Variants in TENM1 observed in about 807,000 individuals in gnomAD.
The protein encoded by TENM1 is teneurin-1.
A neutral mutation model predicts 174.8 loss-of-function variants in TENM1; 35 were observed. The ratio of observed to expected loss-of-function variants is 0.20; its 90% CI spans 0.15 to 0.27. TENM1 has a LOEUF of 0.27. TENM1 is among the 10% of genes least tolerant of loss of function. The pLI is 1.00. For missense variants in TENM1, 1,633 were observed against 2,130.1 expected, an observed-to-expected ratio of 0.77 and a Z score of 4.59; for synonymous variants, 781 against 798.7, an observed-to-expected ratio of 0.98 and a Z score of 0.37.
chrX:124,817,754 G>A (rs927979527), intron 3 of TENM1, among the ~76,000 whole-genome samples: 4 of 112,016 alleles, frequency 3.6e-5, no homozygotes, highest in Non-Finnish European at 7.5e-5. Context: ...ACAAGGGAAT[G>A]AGAGAGTTGG....
intron 1 of TENM1, among the ~76,000 whole-genome samples, chrX:124,900,532 G>A (rs948921065): frequency 9.0e-6 from 1 of 111,496 alleles, no homozygotes; most frequent in Non-Finnish European, 1.9e-5. Flanking sequence ...CGTAGTAAGT[G>A]TAGTTTATTA....
At chrX:124,691,102 T>TA (rs1221055547) in intron 5 of TENM1, among the ~76,000 whole-genome samples, 1 of 111,240 alleles carries the variant, frequency 9.0e-6, no homozygotes, top group Non-Finnish European at 1.9e-5. Context: ...GTAACATCAA[T>TA]ATATTTACCT....
At chrX:124,752,458 TG>T (rs2054100087) in intron 3 of TENM1, among the ~76,000 whole-genome samples, 1 of 111,604 alleles carries the variant, frequency 9.0e-6, no homozygotes, top group Admixed American at 9.5e-5. Flanking sequence ...TTCACTCTGC[TG>T]GTAGTTTCTT....
At chrX:125,040,024 TC>T in the TENM1 span, among the ~76,000 whole-genome samples, 1 of 111,888 alleles carries the variant, frequency 8.9e-6, no homozygotes, top group African/African-American at 3.2e-5. Context: ...GCATTATAAT[TC>T]TGTCTTTGAC....
the TENM1 span, among the ~76,000 whole-genome samples, chrX:125,072,402 A>G: frequency 8.9e-6 from 1 of 111,915 alleles, no homozygotes; most frequent in East Asian, 2.8e-4. Context: ...AGGAATTGCC[A>G]TCTACTGTAA....
intron 1 of TENM1, among the ~76,000 whole-genome samples, chrX:124,925,453 T>C (rs1188908779): frequency 5.3e-5 from 6 of 112,318 alleles, no homozygotes; most frequent in African/African-American, 1.3e-4. Context: ...ACAGTTTATA[T>C]GCATGCTTGA....
intron 23 of TENM1, among the ~76,000 whole-genome samples, chrX:124,436,777 C>T (rs1004184295): frequency 7.2e-5 from 8 of 110,963 alleles, no homozygotes; most frequent in African/African-American, 2.6e-4. Context: ...CCAACCTCTT[C>T]CCTTTGTTTC....
At chrX:125,025,277 G>C in the TENM1 span, among the ~76,000 whole-genome samples, 1 of 110,474 alleles carries the variant, frequency 9.1e-6, no homozygotes, top group Admixed American at 9.7e-5. Context: ...TGGGGTGGGG[G>C]TGCGGTTTGG....
At chrX:124,677,548 A>T (rs2148447121) in intron 5 of TENM1, among the ~76,000 whole-genome samples, 1 of 111,697 alleles carries the variant, frequency 9.0e-6, no homozygotes, top group African/African-American at 3.2e-5. Flanking sequence ...CTAAAGAAAT[A>T]ATCACATGTG....
At chrX:124,459,198 C>T (rs1048369429) in intron 22 of TENM1, among the ~76,000 whole-genome samples, 1 of 111,684 alleles carries the variant, frequency 9.0e-6, no homozygotes, top group Non-Finnish European at 1.9e-5. Context: ...TCTGAAGAAC[C>T]ATGTTGAATT....
intron 15 of TENM1, among the ~76,000 whole-genome samples, chrX:124,537,176 C>A (rs900626236): frequency 9.0e-6 from 1 of 111,275 alleles, no homozygotes; most frequent in African/African-American, 3.3e-5. Flanking sequence ...GACCTCTCCC[C>A]GGTTACCTCA....
intron 25 of TENM1, among the ~76,000 whole-genome samples, chrX:124,412,383 A>G (rs919401291): frequency 7.1e-5 from 8 of 112,852 alleles, no homozygotes; most frequent in Non-Finnish European, 1.5e-4. Flanking sequence ...GATTAAAAAT[A>G]TATTTGGCCT....
At chrX:125,137,734 C>T in the TENM1 span, among the ~76,000 whole-genome samples, 2 of 111,322 alleles carry the variant, frequency 1.8e-5, no homozygotes, top group Non-Finnish European at 3.8e-5. Flanking sequence ...GATTCCCCAG[C>T]CTTTTTTTAG....
chrX:124,767,509 C>T (rs1372928798), intron 3 of TENM1, among the ~76,000 whole-genome samples: 1 of 111,630 alleles, frequency 9.0e-6, no homozygotes, highest in Non-Finnish European at 1.9e-5. Flanking sequence ...ATACATAATG[C>T]AATTTTACAT....
At chrX:124,585,967 C>G (rs1055113838) in intron 11 of TENM1, among the ~76,000 whole-genome samples, 1 of 110,355 alleles carries the variant, frequency 9.1e-6, no homozygotes, top group Non-Finnish European at 1.9e-5. Context: ...GACACATACA[C>G]CCTCCCAAGA....
At chrX:125,162,494 T>C in the TENM1 span, among the ~76,000 whole-genome samples, 1 of 112,026 alleles carries the variant, frequency 8.9e-6, no homozygotes, top group African/African-American at 3.2e-5. Context: ...TATTCAGCTT[T>C]TCTGCAATAT....
intron 3 of TENM1, among the ~76,000 whole-genome samples, chrX:124,892,079 G>T (rs1235843182): frequency 9.0e-6 from 1 of 111,666 alleles, no homozygotes; most frequent in Non-Finnish European, 1.9e-5. Flanking sequence ...GAATAAAAAT[G>T]ACATAGAATA....
chrX:124,697,796 G>T (rs2148482974), intron 5 of TENM1, among the ~76,000 whole-genome samples: 1 of 110,840 alleles, frequency 9.0e-6, no homozygotes, highest in South Asian at 3.8e-4. Flanking sequence ...TTACATTTTT[G>T]AAGTTCTCTT....
chrX:124,621,192 A>G (rs1243875091), intron 11 of TENM1, among the ~76,000 whole-genome samples: 2 of 111,989 alleles, frequency 1.8e-5, no homozygotes, highest in South Asian at 7.5e-4. Flanking sequence ...ATGGGACCCA[A>G]TGCAGGGTGC....
Sources: gnomAD v4.1 joint callset for allele counts (sites outside exome capture counted in the v4.1 genomes callset) on GRCh38, gnomAD v4.1.1 for gene constraint, MANE v1.5 for transcripts, NCBI Gene and HGNC (gene_info 2026-07-23, HGNC 2026-07-21) for gene names.